TCF4: variants seen among roughly 807,000 people sequenced by gnomAD.
TCF4 encodes SL3-3 enhancer factor 2.
TCF4 carries 3 observed loss-of-function variants against 82.1 expected under a neutral mutation model. The ratio of observed to expected loss-of-function variants is 0.04; its 90% CI spans 0.02 to 0.09. The LOEUF (loss-of-function observed/expected upper bound fraction) is 0.09, where lower values mean the gene tolerates loss of function less well. TCF4 is among the 10% of genes least tolerant of loss of function. TCF4 has a pLI of 1.00. For synonymous variants in TCF4, 276 were observed against 309.6 expected, an observed-to-expected ratio of 0.89 and a Z score of 1.14; for missense variants, 518 against 852.7, an observed-to-expected ratio of 0.61 and a Z score of 4.89.
intron 6 of TCF4, among the ~76,000 whole-genome samples, chr18:55,362,434 GAAAAAAAAA>G (rs1168719900): frequency 8.5e-6 from 1 of 118,112 alleles, no homozygotes; most frequent in African/African-American, 3.4e-5. Context: ...AGGAAGGAAG[GAAAAAAAAA>G]AAGAAGAAAA....
chr18:55,371,313 A>G (rs568007906), intron 6 of TCF4, among the ~76,000 whole-genome samples: 1 of 152,302 alleles, frequency 6.6e-6, no homozygotes, highest in East Asian at 1.9e-4. Context: ...AGGGGGCCAT[A>G]GGGCCAGTAG....
intron 3 of TCF4, among the ~76,000 whole-genome samples, chr18:55,512,430 AG>A (rs558007391): frequency 5.7e-4 from 86 of 152,156 alleles, no homozygotes; most frequent in Admixed American, 1.3e-3. Flanking sequence ...AATGGAAGAT[AG>A]AATCTACACA....
chr18:55,254,527 G>A lies in TCF4; in HGVS notation c.1320C>T (p.Gly440=), dbSNP rs753975956. ...GTGAATGTCTGTTGGCTGAAAGAAGGCCGGTTCCATACCCTGAGCCCAGAC... is the reference window on the plus strand; with the variant it reads ...GTGAATGTCTGTTGGCTGAAAGAAGACCGGTTCCATACCCTGAGCCCAGAC... ...MGGLGSGYGT[G]LLSANRHSLM... is the part of the protein sequence containing the mutation. Residue 440 remains glycine (G), a synonymous_variant, in exon 15 of 20, where the codon GGC becomes GGT. Transcript: ENST00000354452. 1.9e-6 allele frequency: 3 copies of A among 1,613,636 alleles called. No homozygotes were observed. Among genetic ancestry groups the A allele is most frequent in the Non-Finnish European group, 2.5e-6 (3 of 1,179,788 alleles).
intron 3 of TCF4, among the ~76,000 whole-genome samples, chr18:55,510,210 T>C (rs895986379): frequency 1.3e-5 from 2 of 152,118 alleles, no homozygotes; most frequent in South Asian, 2.1e-4. Flanking sequence ...ACTCCAGATA[T>C]AGCGCTCAGT....
chr18:55,580,350 C>A (rs956960838), intron 3 of TCF4, among the ~76,000 whole-genome samples: 1 of 151,840 alleles, frequency 6.6e-6, no homozygotes, highest in African/African-American at 2.4e-5. Context: ...ACAGGAGATC[C>A]TTATTTTTTT....
At chr18:55,401,226 A>G (rs1028396627) in intron 6 of TCF4, 4 of 1,193,824 alleles carry the variant, frequency 3.4e-6, no homozygotes, top group African/African-American at 1.6e-5. Flanking sequence ...TACATTTTTC[A>G]TCTTCAGTCC....
At chr18:55,586,801 T>C (rs2097653815) in intron 2 of TCF4, 1 of 469,218 alleles carries the variant, frequency 2.1e-6, no homozygotes, top group African/African-American at 2.0e-5. Flanking sequence ...TTATTTGGGG[T>C]AATCAGTGGG....
At chr18:55,570,401 T>C (rs1313072429) in intron 3 of TCF4, among the ~76,000 whole-genome samples, 1 of 152,122 alleles carries the variant, frequency 6.6e-6, no homozygotes, top group Non-Finnish European at 1.5e-5. Flanking sequence ...TAAGAGAAGG[T>C]ATTTGCAGCA....
chr18:55,617,811 CTG>C (rs74182107), intron 2 of TCF4, among the ~76,000 whole-genome samples: 2,935 of 140,574 alleles, frequency 0.021, 29 homozygotes, highest in Middle Eastern at 0.082. Context: ...TTAATTCTAA[CTG>C]TGTGTGTGTG....
At chr18:55,340,575 C>A (rs187991736) in intron 8 of TCF4, among the ~76,000 whole-genome samples, 2 of 140,278 alleles carry the variant, frequency 1.4e-5, no homozygotes, top group African/African-American at 5.1e-5. Flanking sequence ...CAGAGCAAGA[C>A]CCCATCTCAA....
chr18:55,488,446 G>A (rs2096540798), intron 3 of TCF4, among the ~76,000 whole-genome samples: 1 of 151,154 alleles, frequency 6.6e-6, no homozygotes, highest in Admixed American at 6.6e-5. Context: ...TGAGAATTAG[G>A]AGATGGAGAA....
At chr18:55,578,174 C>T (rs980832643) in intron 3 of TCF4, among the ~76,000 whole-genome samples, 4 of 152,096 alleles carry the variant, frequency 2.6e-5, no homozygotes, top group African/African-American at 7.2e-5. Context: ...AATTAGAACA[C>T]GTGATGACAA....
At chr18:55,277,798 C>T (rs765966810) in intron 9 of TCF4, among the ~76,000 whole-genome samples, 3 of 152,126 alleles carry the variant, frequency 2.0e-5, no homozygotes, top group East Asian at 3.9e-4. Context: ...TGTTTTCAAT[C>T]GAAATCTGTT....
At position 55,604,278 on chromosome 18, in the gene TCF4, C is replaced by T. The variant is rs180980329; in HGVS notation, c.287-17142G>A. On this transcript the variant is annotated intron_variant, in intron 2 of 20. Transcript: ENST00000398339. ...CCCTTTTTCTGCCATTCTCCCACCC[C>T]CACCCCAGAATCCTTGGAGAAACTG... Among the ~76,000 whole-genome samples, 92 of 152,148 alleles carry T rather than the reference C, an allele frequency of 6.0e-4. 1 individual carries two copies. The highest frequency in any genetic ancestry group is 1.9e-3 in the East Asian group (10 of 5,166).
chr18:55,389,108 A>G lies in TCF4; in HGVS notation c.369+14346T>C, dbSNP rs903592268. 4.6e-5 allele frequency among the ~76,000 whole-genome samples: 7 copies of G among 152,174 alleles called. 1 individual carries two copies. In the South Asian group the frequency reaches 1.2e-3, roughly 27 times the overall value. ...ACCACTGCACTTCAGCCTGGGTGAC[A>G]GAGCGAGACTCCATCTCAAAAAATA... is the stretch of plus-strand genomic sequence containing the variant. On this transcript the variant is annotated intron_variant, in intron 6 of 19. Transcript: ENST00000354452.
At chr18:55,301,606 G>A (rs2068305058) in intron 8 of TCF4, among the ~76,000 whole-genome samples, 1 of 152,054 alleles carries the variant, frequency 6.6e-6, no homozygotes, top group Admixed American at 6.5e-5. Flanking sequence ...CCCATTATAT[G>A]TGATATTCTA....
At chr18:55,551,720 A>T (rs1478812999) in intron 3 of TCF4, 1 of 152,104 alleles carries the variant, frequency 6.6e-6, no homozygotes, top group African/African-American at 2.4e-5. Flanking sequence ...TCCTCAATTT[A>T]TTTCAAATAT....
At chr18:55,577,234 AT>A (rs2097538564) in intron 3 of TCF4, among the ~76,000 whole-genome samples, 1 of 146,540 alleles carries the variant, frequency 6.8e-6, no homozygotes, top group Non-Finnish European at 1.5e-5. Flanking sequence ...ACGTTTATAT[AT>A]TTATATATGT....
At chr18:55,586,401 A>G (rs2097651226) in intron 2 of TCF4, among the ~76,000 whole-genome samples, 2 of 152,190 alleles carry the variant, frequency 1.3e-5, no homozygotes, top group Non-Finnish European at 2.9e-5. Context: ...AGGGATGGAG[A>G]AGGACCAAGT....
Sources: allele counts gnomAD v4.1 joint callset (sites outside exome capture counted in the v4.1 genomes callset), GRCh38; gene constraint gnomAD v4.1.1; transcripts MANE v1.5; gene names NCBI Gene and HGNC (gene_info 2026-07-23, HGNC 2026-07-21).